Variants in SLC24A2 observed in about 807,000 individuals in gnomAD.
The protein encoded by SLC24A2 is solute carrier family 24 member 2, also known as sodium/potassium/calcium exchanger 2.
In SLC24A2, 36 loss-of-function variants were observed where a neutral mutation model predicts 62.0. The observed-to-expected ratio is 0.58, with a 90% CI of 0.44 to 0.77. SLC24A2 has a LOEUF of 0.77. Ranked by LOEUF, SLC24A2 falls within the 30% of genes least tolerant of loss-of-function variation. The pLI is 0.00. For synonymous variants in SLC24A2, 358 were observed against 294.0 expected (o/e 1.22, Z -2.23); for missense variants, 846 against 817.9 (o/e 1.03, Z -0.42).
the SLC24A2 span, among the ~76,000 whole-genome samples, chr9:19,956,494 G>A: frequency 1.6e-4 from 24 of 152,140 alleles, no homozygotes; most frequent in African/African-American, 4.8e-4. Context: ...AGACATATCC[G>A]AGACTGGGAA....
chr9:20,102,282 C>A, the SLC24A2 span, among the ~76,000 whole-genome samples: 8 of 152,016 alleles, frequency 5.3e-5, no homozygotes, highest in African/African-American at 1.7e-4. Context: ...AAATGTGGCA[C>A]ATATACACCA....
the SLC24A2 span, among the ~76,000 whole-genome samples, chr9:20,295,917 A>G: frequency 3.3e-5 from 5 of 152,094 alleles, no homozygotes; most frequent in Admixed American, 2.6e-4. Flanking sequence ...ATCTAAATCT[A>G]TATCCTTTTG....
chr9:19,837,787 G>A, the SLC24A2 span, among the ~76,000 whole-genome samples: 1 of 151,894 alleles, frequency 6.6e-6, no homozygotes, highest in East Asian at 1.9e-4. Flanking sequence ...GACAAACAGA[G>A]AGCCAAATCA....
the SLC24A2 span, among the ~76,000 whole-genome samples, chr9:20,048,106 T>C: frequency 6.6e-6 from 1 of 152,138 alleles, no homozygotes; most frequent in African/African-American, 2.4e-5. Flanking sequence ...CAGCTACCAC[T>C]TATTGAGCAT....
At chr9:19,553,127 T>A (rs566132938) in intron 7 of SLC24A2, among the ~76,000 whole-genome samples, 1 of 152,268 alleles carries the variant, frequency 6.6e-6, no homozygotes, top group East Asian at 1.9e-4. Context: ...TTGGCATACA[T>A]TAGGTGAAAT....
At chr9:20,064,332 C>T in the SLC24A2 span, among the ~76,000 whole-genome samples, 1 of 152,200 alleles carries the variant, frequency 6.6e-6, no homozygotes, top group Non-Finnish European at 1.5e-5. Context: ...AGTGGGTATT[C>T]ATTGCAAACA....
the SLC24A2 span, among the ~76,000 whole-genome samples, chr9:19,803,879 T>C: frequency 2.0e-5 from 3 of 152,200 alleles, no homozygotes; most frequent in African/African-American, 7.2e-5. Context: ...AATAACTTAA[T>C]TGAGATATAA....
chr9:20,255,630 T>C, the SLC24A2 span, among the ~76,000 whole-genome samples: 1 of 152,186 alleles, frequency 6.6e-6, no homozygotes, highest in Non-Finnish European at 1.5e-5. Context: ...TCTAAGAGGC[T>C]GCTTGGATTT....
the SLC24A2 span, chr9:19,968,144 C>A: frequency 1.3e-5 from 2 of 152,246 alleles, no homozygotes; most frequent in African/African-American, 4.8e-5. Context: ...AAATAAAGCA[C>A]TTTGAACAGA....
At chr9:20,136,654 A>AT in the SLC24A2 span, among the ~76,000 whole-genome samples, 2 of 152,140 alleles carry the variant, frequency 1.3e-5, no homozygotes, top group African/African-American at 4.8e-5. Flanking sequence ...ACCACAAATT[A>AT]TTTTTTCAAG....
the SLC24A2 span, among the ~76,000 whole-genome samples, chr9:20,266,060 G>C: frequency 6.6e-6 from 1 of 152,148 alleles, no homozygotes; most frequent in African/African-American, 2.4e-5. Context: ...GACAATGCGT[G>C]CCCGAAACTT....
At chr9:20,097,963 C>G in the SLC24A2 span, among the ~76,000 whole-genome samples, 1 of 151,612 alleles carries the variant, frequency 6.6e-6, no homozygotes, top group Non-Finnish European at 1.5e-5. Context: ...AGTATGGTCT[C>G]GATCTCCTGA....
intron 5 of SLC24A2, among the ~76,000 whole-genome samples, chr9:19,579,033 AGAAG>A (rs1272692064): frequency 1.3e-5 from 2 of 152,226 alleles, no homozygotes; most frequent in Admixed American, 1.3e-4. Context: ...GGAGTGAGAA[AGAAG>A]GATGAGGTGA....
In SLC24A2 at chr9:19,576,964, C is replaced by T. The variant is rs749000302; in HGVS notation, c.1188G>A (p.Val396=). The change falls in exon 6 of 11, where the codon GTG becomes GTA. Residue 396 remains valine, a synonymous_variant. Transcript: ENST00000341998. ...CCCCATTCTGCCTCTCGTTCTCATC[C>T]ACATGACATTTCTTCTTGGCGATCT... ...LHKIAKKKCH[V]DENERQNGAA... The T allele has an allele frequency of 7.4e-6, 12 of 1,614,168 alleles. No individual in the cohort carries two copies. In the South Asian group the frequency reaches 1.2e-4, roughly 16 times the overall value.
chr9:20,258,214 T>C, the SLC24A2 span, among the ~76,000 whole-genome samples: 959 of 152,312 alleles, frequency 6.3e-3, 6 homozygotes, highest in African/African-American at 0.022. Flanking sequence ...TGATTATCAA[T>C]TTTGGCTGTT....
the SLC24A2 span, among the ~76,000 whole-genome samples, chr9:19,827,731 T>C: frequency 6.6e-6 from 1 of 152,236 alleles, no homozygotes; most frequent in Admixed American, 6.5e-5. Flanking sequence ...AGATGATATT[T>C]TCTAGTTCCT....
At chr9:19,803,143 C>A in the SLC24A2 span, among the ~76,000 whole-genome samples, 1 of 152,106 alleles carries the variant, frequency 6.6e-6, no homozygotes, top group Admixed American at 6.5e-5. Flanking sequence ...GTTATAGCAG[C>A]TTGAATGGAC....
the SLC24A2 span, among the ~76,000 whole-genome samples, chr9:19,962,306 C>T: frequency 9.9e-5 from 15 of 152,272 alleles, no homozygotes; most frequent in Non-Finnish European, 1.5e-4. Context: ...GTGATGCCTC[C>T]AGCTTTGTTC....
chr9:20,034,541 G>C, the SLC24A2 span, among the ~76,000 whole-genome samples: 1 of 137,318 alleles, frequency 7.3e-6, no homozygotes, highest in Admixed American at 8.3e-5. Context: ...CTCACTGCAA[G>C]CTCTGCACCC....
Sources: gnomAD v4.1 joint callset for allele counts (sites outside exome capture counted in the v4.1 genomes callset) on GRCh38, gnomAD v4.1.1 for gene constraint, MANE v1.5 for transcripts, NCBI Gene and HGNC (gene_info 2026-07-23, HGNC 2026-07-21) for gene names.